Variants in VWA8 observed in about 807,000 individuals in gnomAD.
VWA8 encodes the protein von Willebrand factor A domain containing 8.
A neutral mutation model predicts 241.5 loss-of-function variants in VWA8; 221 were observed. The ratio of observed to expected loss-of-function variants is 0.91; its 90% CI spans 0.82 to 1.02. VWA8 has a LOEUF of 1.02. Ranked by LOEUF, VWA8 falls within the 50% of genes least tolerant of loss-of-function variation. The pLI, the probability that VWA8 is intolerant of heterozygous loss-of-function variation, is 0.00. For synonymous variants in VWA8, 852 were observed against 827.1 expected, an observed-to-expected ratio of 1.03 and a Z score of -0.52; for missense variants, 2,322 against 2,328.7, an observed-to-expected ratio of 1.00 and a Z score of 0.06.
At chr13:41,747,522 T>C (rs1404317643) in intron 21 of VWA8, among the ~76,000 whole-genome samples, 5 of 152,202 alleles carry the variant, frequency 3.3e-5, no homozygotes, top group African/African-American at 9.7e-5. Flanking sequence ...GTTTTCTAGA[T>C]ATACAATCAT....
intron 23 of VWA8, 90 bp from the exon 24 acceptor site, chr13:41,727,403 T>C: frequency 9.7e-7 from 1 of 1,025,736 alleles, no homozygotes; most frequent in Non-Finnish European, 1.3e-6. Flanking sequence ...TAAATAGTTA[T>C]ACTGTTCAAT....
chr13:41,581,442 T>C (rs533023026), intron 42 of VWA8, among the ~76,000 whole-genome samples: 1 of 152,218 alleles, frequency 6.6e-6, no homozygotes, highest in Non-Finnish European at 1.5e-5. Flanking sequence ...CTTTAAAAAT[T>C]TGTTAGCAGT....
At chr13:41,601,576 A>T (rs747318941) in intron 40 of VWA8, among the ~76,000 whole-genome samples, 4 of 152,160 alleles carry the variant, frequency 2.6e-5, no homozygotes, top group Non-Finnish European at 5.9e-5. Context: ...GTTTTTTGTA[A>T]GAATGGATGT....
At chr13:41,721,130 C>T (rs571403633) in intron 25 of VWA8, among the ~76,000 whole-genome samples, 3 of 152,300 alleles carry the variant, frequency 2.0e-5, no homozygotes, top group African/African-American at 7.2e-5. Flanking sequence ...CAGCCTCCCA[C>T]CAAATTTCCT....
intron 8 of VWA8, 61 bp downstream of exon 8, chr13:41,885,859 G>T: frequency 1.6e-6 from 2 of 1,215,044 alleles, no homozygotes; most frequent in South Asian, 1.4e-5. Context: ...AATCCCTAAT[G>T]ATTAACTTTC....
At chr13:41,652,887 C>T (rs904746343) in intron 37 of VWA8, among the ~76,000 whole-genome samples, 1 of 152,100 alleles carries the variant, frequency 6.6e-6, no homozygotes, top group Non-Finnish European at 1.5e-5. Context: ...AGTGAAATGA[C>T]AAGAATTTGT....
At chr13:41,611,509 C>A in intron 39 of VWA8, 67 bp downstream of exon 39, 1 of 1,544,106 alleles carries the variant, frequency 6.5e-7, no homozygotes, top group Non-Finnish European at 8.8e-7. Flanking sequence ...ATCTAGGTTT[C>A]CCCACAGTCC....
intron 9 of VWA8, among the ~76,000 whole-genome samples, chr13:41,882,817 T>TG: frequency 6.6e-6 from 1 of 150,912 alleles, no homozygotes; most frequent in African/African-American, 2.5e-5. Context: ...AGGGAGACCG[T>TG]GGGGAGAGGG....
chr13:41,588,310 AC>A (rs1251917271), intron 41 of VWA8, among the ~76,000 whole-genome samples: 1 of 152,264 alleles, frequency 6.6e-6, no homozygotes, highest in African/African-American at 2.4e-5. Flanking sequence ...CATAAAAGTG[AC>A]ATCAAATTGT....
chr13:41,670,694 T>C (rs1165117996), intron 37 of VWA8, among the ~76,000 whole-genome samples: 1 of 152,188 alleles, frequency 6.6e-6, no homozygotes, highest in African/African-American at 2.4e-5. Flanking sequence ...AGCTGCTGAT[T>C]GTATTCATAT....
chr13:41,694,991 A>T (rs2045206946), intron 29 of VWA8, among the ~76,000 whole-genome samples: 2 of 152,270 alleles, frequency 1.3e-5, no homozygotes, highest in South Asian at 4.1e-4. Context: ...CTGTTGCTCC[A>T]TCCTTTTAGA....
intron 21 of VWA8, among the ~76,000 whole-genome samples, chr13:41,732,947 T>C (rs1051671696): frequency 7.2e-5 from 11 of 152,216 alleles, no homozygotes; most frequent in African/African-American, 2.7e-4. Context: ...ATCTTTGCCT[T>C]CTATCTAAGA....
chr13:41,950,999 A>G (rs1878109815), intron 1 of VWA8, among the ~76,000 whole-genome samples: 1 of 152,122 alleles, frequency 6.6e-6, no homozygotes, highest in Admixed American at 6.6e-5. Context: ...ACAGATCCTC[A>G]ACCTTTTTAC....
Position 41,932,329 on chromosome 13 carries a change from G to A in VWA8, c.241+17607C>T, listed in dbSNP as rs77939456. Among the ~76,000 whole-genome samples the A allele has an allele frequency of 1.0e-3, 155 of 152,012 alleles. 3 individuals carry two copies. In the East Asian group the frequency reaches 0.028, roughly 27 times the overall value. Reference sequence around the variant, plus strand: ...CTGAATTTACAGTTAATAACCTCCCGAAAAGAAAACCCTGGGCCAAGATGG... The same window carrying A: ...CTGAATTTACAGTTAATAACCTCCCAAAAAGAAAACCCTGGGCCAAGATGG... On this transcript the variant is annotated intron_variant, in intron 2 of 44. Coordinates refer to ENST00000379310, the MANE Select transcript of VWA8 (RefSeq NM_015058.2).
intron 44 of VWA8, among the ~76,000 whole-genome samples, chr13:41,568,737 C>T (rs962847200): frequency 6.6e-6 from 1 of 152,128 alleles, no homozygotes; most frequent in South Asian, 2.1e-4. Flanking sequence ...CCTCTAAAAA[C>T]GCTGCGCAGC....
At chr13:41,882,213 G>A (rs1367176580) in intron 9 of VWA8, among the ~76,000 whole-genome samples, 9 of 150,670 alleles carry the variant, frequency 6.0e-5, no homozygotes, top group East Asian at 4.0e-4. Context: ...ATGGGCGGCC[G>A]GGCAGAGACG....
chr13:41,711,831 G>A (rs1053427301), intron 26 of VWA8, among the ~76,000 whole-genome samples: 1 of 151,930 alleles, frequency 6.6e-6, no homozygotes, highest in Non-Finnish European at 1.5e-5. Flanking sequence ...CCGAGATCAT[G>A]CCACTGCACT....
chr13:41,684,761 C>G (rs1201699154), intron 35 of VWA8, among the ~76,000 whole-genome samples: 1 of 152,120 alleles, frequency 6.6e-6, no homozygotes, highest in African/African-American at 2.4e-5. Context: ...GCCTAATATA[C>G]TAAGACTTTT....
chr13:41,756,845 G>T (rs975240099), intron 21 of VWA8, among the ~76,000 whole-genome samples: 6 of 151,630 alleles, frequency 4.0e-5, no homozygotes, highest in Admixed American at 3.3e-4. Context: ...CATTAAAACT[G>T]TCAAGTAATA....
Sources: allele counts gnomAD v4.1 joint callset (sites outside exome capture counted in the v4.1 genomes callset), GRCh38; gene constraint gnomAD v4.1.1; transcripts MANE v1.5; gene names NCBI Gene and HGNC (gene_info 2026-07-23, HGNC 2026-07-21).